The following GPRIN3 variants were observed in gnomAD, a reference collection of about 807,000 sequenced individuals.
GPRIN3 encodes the protein GPRIN family member 3.
A neutral mutation model predicts 13.7 loss-of-function variants in GPRIN3; 12 were observed. That is an observed-to-expected ratio of 0.87 (90% CI 0.56 to 1.42). GPRIN3 has a LOEUF of 1.42. GPRIN3 is among the 40% of genes most tolerant of loss of function. The pLI is 0.00. For missense variants in GPRIN3, 1,009 were observed against 958.7 expected, an observed-to-expected ratio of 1.05 and a Z score of -0.69; for synonymous variants, 377 against 372.7, an observed-to-expected ratio of 1.01 and a Z score of -0.13.
At chr4:89,282,595 T>TA (rs1491326163) in intron 1 of GPRIN3, among the ~76,000 whole-genome samples, 1 of 50,254 alleles carries the variant, frequency 2.0e-5, no homozygotes, top group Non-Finnish European at 2.9e-5. Context: ...TTTTTTGCAA[T>TA]TTTTTTTTTT....
intron 1 of GPRIN3, among the ~76,000 whole-genome samples, chr4:89,289,593 CA>C (rs986325740): frequency 1.3e-5 from 2 of 152,154 alleles, no homozygotes; most frequent in Admixed American, 6.5e-5. Context: ...CTCACAGATA[CA>C]AAAACTGAGG....
At chr4:89,282,824 G>C (rs1724290216) in intron 1 of GPRIN3, among the ~76,000 whole-genome samples, 1 of 152,052 alleles carries the variant, frequency 6.6e-6, no homozygotes, top group South Asian at 2.1e-4. Context: ...GCTGTCATGG[G>C]AACTATGAAT....
chr4:89,302,924 T>C (rs1451864354), intron 1 of GPRIN3, among the ~76,000 whole-genome samples: 10 of 152,114 alleles, frequency 6.6e-5, no homozygotes, highest in Admixed American at 6.5e-4. Context: ...TTCAAGCAGA[T>C]GAATCTCTGA....
Position 89,241,171 on chromosome 4 carries a change from T to G in GPRIN3, c.*6609A>C, listed in dbSNP as rs1223430536. On this transcript the variant is annotated 3_prime_UTR_variant, in exon 2 of 2. Coordinates refer to ENST00000609438, the MANE Select transcript of GPRIN3 (RefSeq NM_198281.3). ...AATGTACTGATTACTATATTCAGCCTTTGTGATAATTATGTTACCTACTCA... is the reference window on the plus strand; with the variant it reads ...AATGTACTGATTACTATATTCAGCCGTTGTGATAATTATGTTACCTACTCA... The G allele has an allele frequency of 6.6e-6, 1 of 152,066 alleles. No individual in the cohort carries two copies. Among genetic ancestry groups the G allele is most frequent in the East Asian group, 1.9e-4 (1 of 5,168 alleles). 9.4% of individuals were successfully genotyped at this position (152,066 alleles called of 1,614,324 possible). A position where few individuals can be genotyped will look rare whatever the true frequency, so the allele number is the denominator to read the frequency against.
Position 89,237,050 on chromosome 4 carries a change from T to C in GPRIN3, c.*10730A>G, listed in dbSNP as rs1578057237. The C allele has an allele frequency of 6.6e-6, 1 of 152,144 alleles. No individual in the cohort carries two copies. Among genetic ancestry groups the C allele is most frequent in the South Asian group, 2.1e-4 (1 of 4,822 alleles). The allele number at this position is 152,144 out of a possible 1,614,324, so 9.4% of individuals were successfully genotyped here. A position where few individuals can be genotyped will look rare whatever the true frequency, so the allele number is the denominator to read the frequency against. On this transcript the variant is annotated 3_prime_UTR_variant, in exon 2 of 2. Transcript: ENST00000609438. The stretch of plus-strand genomic sequence containing the variant: ...ATTATTTTTAATGGCAGGTCAAGGC[T>C]CTTTTGCAGTTTGATTGAGAGACGT...
At chr4:89,306,249 C>T (rs1725030235) in intron 1 of GPRIN3, among the ~76,000 whole-genome samples, 1 of 152,166 alleles carries the variant, frequency 6.6e-6, no homozygotes. Context: ...AATTGTTACT[C>T]AGGGCAGGCC....
chr4:89,278,852 G>A (rs986142696), intron 1 of GPRIN3, among the ~76,000 whole-genome samples: 4 of 152,182 alleles, frequency 2.6e-5, no homozygotes, highest in African/African-American at 9.7e-5. Flanking sequence ...AAGGATCTGG[G>A]GTAGTCACAG....
intron 1 of GPRIN3, among the ~76,000 whole-genome samples, chr4:89,251,817 G>A (rs1469943435): frequency 6.6e-6 from 1 of 152,144 alleles, no homozygotes; most frequent in Non-Finnish European, 1.5e-5. Context: ...AAAACATTTG[G>A]AATGAGACAT....
chr4:89,295,552 G>C (rs908122782), intron 1 of GPRIN3, among the ~76,000 whole-genome samples: 3 of 152,164 alleles, frequency 2.0e-5, no homozygotes, highest in Non-Finnish European at 2.9e-5. Context: ...ATGATGAAGA[G>C]GGGGAGATAA....
At chr4:89,250,611 G>C (rs1723300930) in intron 1 of GPRIN3, 1 of 152,640 alleles carries the variant, frequency 6.6e-6, no homozygotes, top group Non-Finnish European at 1.5e-5. Flanking sequence ...CAATAAGTAA[G>C]TATTGAAGTA....
rs767998365 is a variant in GPRIN3, at chr4:89,249,852, C to T, written c.259G>A (p.Val87Met). 2 of 1,614,214 alleles carry T rather than the reference C, an allele frequency of 1.2e-6. No homozygotes were observed. The highest frequency in any genetic ancestry group is 1.1e-5 in the South Asian group (1 of 91,092). Residue 87 changes from valine to methionine, a missense_variant, in exon 2 of 2, where the codon GTG (valine) becomes ATG (methionine). Coordinates refer to ENST00000609438, the MANE Select transcript of GPRIN3 (RefSeq NM_198281.3). Reference sequence around the variant, plus strand: ...TTGAATGTGGCAGGTGCTTTCTGCACTTCATTGAACACACCAGGAGAAGAC... The same window carrying T: ...TTGAATGTGGCAGGTGCTTTCTGCATTTCATTGAACACACCAGGAGAAGAC... Reference protein sequence around the residue: ...DMSSPGVFNEVQKAPATFNSP... With the variant: ...DMSSPGVFNEMQKAPATFNSP...
At chr4:89,282,931 A>C (rs956370731) in intron 1 of GPRIN3, among the ~76,000 whole-genome samples, 1 of 152,210 alleles carries the variant, frequency 6.6e-6, no homozygotes, top group African/African-American at 2.4e-5. Context: ...CACTAATTTG[A>C]TGACTTGCCA....
intron 1 of GPRIN3, among the ~76,000 whole-genome samples, chr4:89,302,590 C>T (rs1724928374): frequency 6.6e-6 from 1 of 152,080 alleles, no homozygotes; most frequent in African/African-American, 2.4e-5. Context: ...CCGACATGAA[C>T]AATTAGAAAG....
intron 1 of GPRIN3, among the ~76,000 whole-genome samples, chr4:89,267,435 G>T (rs961114699): frequency 5.3e-5 from 8 of 152,096 alleles, no homozygotes; most frequent in African/African-American, 1.7e-4. Flanking sequence ...GAAGAAATCT[G>T]GGATTAGACC....
In GPRIN3 at chr4:89,238,836, A is replaced by G. The variant is rs1722850339; in HGVS notation, c.*8944T>C. 6.6e-6 allele frequency: 1 copy of G among 152,336 alleles called. No homozygotes were observed. The highest frequency in any genetic ancestry group is 2.1e-4 in the South Asian group (1 of 4,830). The allele number at this position is 152,336 out of a possible 1,614,324, so 9.4% of individuals were successfully genotyped here. On this transcript the variant is annotated 3_prime_UTR_variant, in exon 2 of 2. Transcript: ENST00000609438. The stretch of plus-strand genomic sequence containing the variant: ...CAATAGCAGTGGAAACAATAATAAC[A>G]TCAACAAAAAACAGAATAAATTGTA...
At chr4:89,254,269 G>C (rs996938857) in intron 1 of GPRIN3, among the ~76,000 whole-genome samples, 1 of 151,040 alleles carries the variant, frequency 6.6e-6, no homozygotes, top group Non-Finnish European at 1.5e-5. Flanking sequence ...AAATGTGTAG[G>C]TTTGTTACAT....
At chr4:89,285,883 C>G (rs1423877989) in intron 1 of GPRIN3, among the ~76,000 whole-genome samples, 1 of 152,126 alleles carries the variant, frequency 6.6e-6, no homozygotes, top group East Asian at 1.9e-4. Context: ...CTCTGCTACT[C>G]CAACTGCTTA....
intron 1 of GPRIN3, among the ~76,000 whole-genome samples, chr4:89,294,895 A>C (rs868695545): frequency 1.4e-4 from 21 of 152,364 alleles, no homozygotes; most frequent in Admixed American, 3.9e-4. Context: ...TTTCTCAAGG[A>C]CAAATTCCCA....
intron 1 of GPRIN3, among the ~76,000 whole-genome samples, chr4:89,282,561 A>T (rs143833334): frequency 1.2e-3 from 177 of 151,906 alleles, no homozygotes; most frequent in African/African-American, 4.1e-3. Flanking sequence ...ACAAATCTGT[A>T]AACTTTCTTA....
Sources: allele counts gnomAD v4.1 joint callset (sites outside exome capture counted in the v4.1 genomes callset), GRCh38; gene constraint gnomAD v4.1.1; transcripts MANE v1.5; gene names NCBI Gene and HGNC (gene_info 2026-07-23, HGNC 2026-07-21).